NBAS: variants seen among roughly 807,000 people sequenced by gnomAD.
NBAS encodes NAG/BC035112 fusion.
Under a neutral mutation model 302.5 loss-of-function variants are expected in NBAS, and 219 were observed. The observed-to-expected ratio is 0.72, with a 90% CI of 0.65 to 0.81. NBAS has a LOEUF of 0.81. Among genes scored for constraint, NBAS ranks in the 30% least tolerant of loss-of-function variants. The pLI is 0.00. For missense variants in NBAS, 2,932 were observed against 2,841.6 expected (o/e 1.03, Z -0.72); for synonymous variants, 1,118 against 1,021.6 (o/e 1.09, Z -1.80).
chr2:15,089,411 C>A, the NBAS span, among the ~76,000 whole-genome samples: 1 of 152,272 alleles, frequency 6.6e-6, no homozygotes, highest in East Asian at 1.9e-4. Context: ...ACTTGGGGCC[C>A]TATCCAATCC....
At chr2:14,831,950 C>A in the NBAS span, among the ~76,000 whole-genome samples, 1 of 152,200 alleles carries the variant, frequency 6.6e-6, no homozygotes, top group Non-Finnish European at 1.5e-5. Flanking sequence ...AAACTTCTTT[C>A]TAGCCAATCA....
At chr2:15,319,203 G>A (rs1464936779) in intron 38 of NBAS, among the ~76,000 whole-genome samples, 1 of 152,166 alleles carries the variant, frequency 6.6e-6, no homozygotes, top group Admixed American at 6.5e-5. Flanking sequence ...AAACCAGTGA[G>A]AACAAAGACA....
At chr2:15,430,102 A>T in intron 21 of NBAS, among the ~76,000 whole-genome samples, 1 of 152,178 alleles carries the variant, frequency 6.6e-6, no homozygotes, top group East Asian at 1.9e-4. Flanking sequence ...AGAATTTTAG[A>T]AAAATGTATC....
At position 15,218,892 on chromosome 2, in the gene NBAS, G is replaced by C; in HGVS notation, c.6313C>G (p.Pro2105Ala). The C allele has an allele frequency of 6.2e-7, 1 of 1,614,260 alleles. No homozygotes were observed. Among genetic ancestry groups the C allele is most frequent in the Non-Finnish European group, 8.5e-7 (1 of 1,180,052 alleles). ...FCADDAWPVRPRIHVLQILGQ... is the reference protein window; with the variant it reads ...FCADDAWPVRARIHVLQILGQ... ...AAAATCTGCAGCACGTGAATGCGGG[G>C]CCGCACCGGCCAGGCGTCATCAGCA... Residue 2105 changes from proline to alanine, a missense_variant, in exon 48 of 52, where the codon CCC becomes GCC. Transcript: ENST00000281513.
chr2:15,500,730 G>A (rs1661486311), intron 11 of NBAS, among the ~76,000 whole-genome samples: 1 of 149,470 alleles, frequency 6.7e-6, no homozygotes, highest in Non-Finnish European at 1.5e-5. Flanking sequence ...GGAACATTCT[G>A]GCTAACACGG....
chr2:14,925,406 A>G, the NBAS span, among the ~76,000 whole-genome samples: 2 of 152,186 alleles, frequency 1.3e-5, no homozygotes, highest in Non-Finnish European at 2.9e-5. Flanking sequence ...ATATGCCCTG[A>G]CTGGACTAGG....
the NBAS span, among the ~76,000 whole-genome samples, chr2:15,074,831 T>C: frequency 0.27 from 41,020 of 152,064 alleles, 5,669 homozygotes; most frequent in East Asian, 0.33. Context: ...GCACCACATA[T>C]GGATAGAATT....
At chr2:14,886,323 A>C in the NBAS span, among the ~76,000 whole-genome samples, 1 of 152,172 alleles carries the variant, frequency 6.6e-6, no homozygotes, top group Non-Finnish European at 1.5e-5. Context: ...GCTGTCCTAC[A>C]TGCTTTTCTT....
chr2:15,311,946 C>A (rs979291681), intron 38 of NBAS, among the ~76,000 whole-genome samples: 2 of 152,112 alleles, frequency 1.3e-5, no homozygotes, highest in Admixed American at 6.5e-5. Flanking sequence ...CCCACTGCAC[C>A]CATTACCTTG....
chr2:14,791,803 C>A, the NBAS span, among the ~76,000 whole-genome samples: 7 of 139,198 alleles, frequency 5.0e-5, no homozygotes, highest in African/African-American at 1.4e-4. Flanking sequence ...GACTCCATCT[C>A]ATAAATAAAT....
At chr2:15,231,651 T>G (rs998787151) in intron 47 of NBAS, among the ~76,000 whole-genome samples, 11 of 152,326 alleles carry the variant, frequency 7.2e-5, no homozygotes, top group Middle Eastern at 3.4e-3. Context: ...ACATTTAAAT[T>G]GAAACTATAT....
chr2:14,981,734 G>A, the NBAS span, among the ~76,000 whole-genome samples: 10 of 152,094 alleles, frequency 6.6e-5, no homozygotes, highest in Non-Finnish European at 1.0e-4. Context: ...TTCATCCTCC[G>A]GCTAAAAGCA....
intron 44 of NBAS, among the ~76,000 whole-genome samples, chr2:15,259,449 G>C (rs1389537886): frequency 1.3e-5 from 2 of 152,190 alleles, no homozygotes; most frequent in African/African-American, 4.8e-5. Flanking sequence ...TGCATTGTTT[G>C]TTCTAGCCAA....
At chr2:15,409,799 TTTTATA>T (rs1432877697) in intron 25 of NBAS, among the ~76,000 whole-genome samples, 1 of 152,208 alleles carries the variant, frequency 6.6e-6, no homozygotes, top group African/African-American at 2.4e-5. Context: ...TCCTTTTGTG[TTTTATA>T]AAGTTGGATT....
chr2:14,993,310 A>AT, the NBAS span, among the ~76,000 whole-genome samples: 5 of 151,956 alleles, frequency 3.3e-5, no homozygotes, highest in South Asian at 2.1e-4. Flanking sequence ...GGTCCCGTTT[A>AT]TTTTTTTTCA....
At chr2:14,948,476 T>A in the NBAS span, among the ~76,000 whole-genome samples, 1 of 152,034 alleles carries the variant, frequency 6.6e-6, no homozygotes, top group Admixed American at 6.5e-5. Flanking sequence ...GAAAAATTAA[T>A]CAAGAAACCA....
intron 21 of NBAS, among the ~76,000 whole-genome samples, chr2:15,444,314 C>G (rs1678606733): frequency 6.6e-6 from 1 of 152,266 alleles, no homozygotes; most frequent in African/African-American, 2.4e-5. Flanking sequence ...AGATATAGAT[C>G]AATGGAACAG....
the NBAS span, among the ~76,000 whole-genome samples, chr2:14,838,172 G>A: frequency 1.4e-4 from 21 of 151,634 alleles, no homozygotes; most frequent in Non-Finnish European, 2.7e-4. Context: ...GAATTTTTTT[G>A]CTCCTATCTG....
the NBAS span, among the ~76,000 whole-genome samples, chr2:14,846,966 T>A: frequency 6.6e-6 from 1 of 152,116 alleles, no homozygotes; most frequent in East Asian, 1.9e-4. Context: ...TTCTCACTTA[T>A]CATTAATAAC....
Sources: allele counts gnomAD v4.1 joint callset (sites outside exome capture counted in the v4.1 genomes callset), GRCh38; gene constraint gnomAD v4.1.1; transcripts MANE v1.5; gene names NCBI Gene and HGNC (gene_info 2026-07-23, HGNC 2026-07-21).